MACROD1: variants seen among roughly 807,000 people sequenced by gnomAD.
The protein encoded by MACROD1 is mono-ADP ribosylhydrolase 1.
In MACROD1, 31 loss-of-function variants were observed where a neutral mutation model predicts 41.4. The observed-to-expected ratio is 0.75, with a 90% CI of 0.56 to 1.01. MACROD1 has a LOEUF of 1.01. Among genes scored for constraint, MACROD1 ranks in the 50% least tolerant of loss-of-function variants. The pLI, the probability that MACROD1 is intolerant of heterozygous loss-of-function variation, is 0.00. For synonymous variants in MACROD1, 252 were observed against 203.4 expected, an observed-to-expected ratio of 1.24 and a Z score of -2.03; for missense variants, 473 against 460.0, an observed-to-expected ratio of 1.03 and a Z score of -0.26.
chr11:64,085,387 G>A (rs1013389666), intron 3 of MACROD1, among the ~76,000 whole-genome samples: 6 of 152,214 alleles, frequency 3.9e-5, no homozygotes, highest in South Asian at 2.1e-4. Context: ...TGGGGGCGGC[G>A]GGCTGCCTGC....
intron 3 of MACROD1, among the ~76,000 whole-genome samples, chr11:64,094,950 C>T (rs1447616951): frequency 6.6e-6 from 1 of 152,204 alleles, no homozygotes; most frequent in Non-Finnish European, 1.5e-5. Flanking sequence ...GCCCCGTGTG[C>T]TCCAGGAGTG....
chr11:64,099,896 G>C lies in MACROD1; in HGVS notation c.517+51343C>G, dbSNP rs370845830. ...GGAGGGATCGAGAAATGGAGGGAGAGATGGAAGGATGGAGGGATGGATGGA... is the reference window on the plus strand; with the variant it reads ...GGAGGGATCGAGAAATGGAGGGAGACATGGAAGGATGGAGGGATGGATGGA... On this transcript the variant is annotated intron_variant, in intron 3 of 10. Coordinates refer to ENST00000255681, the MANE Select transcript of MACROD1 (RefSeq NM_014067.4). 1.4e-3 allele frequency among the ~76,000 whole-genome samples: 209 copies of C among 152,008 alleles called. 2 individuals are homozygous for C. In the South Asian group the frequency reaches 0.015, roughly 11 times the overall value.
chr11:64,137,452 G>A (rs1185780685), intron 3 of MACROD1, among the ~76,000 whole-genome samples: 4 of 152,170 alleles, frequency 2.6e-5, no homozygotes, highest in African/African-American at 9.7e-5. Context: ...GCATTCAGCT[G>A]AAACTTAAAT....
At chr11:64,138,838 G>C (rs1462154162) in intron 3 of MACROD1, among the ~76,000 whole-genome samples, 1 of 152,004 alleles carries the variant, frequency 6.6e-6, no homozygotes, top group Non-Finnish European at 1.5e-5. Flanking sequence ...CACCATCTCA[G>C]CTCACTGCAA....
At chr11:64,011,944 G>T (rs1943022097) in intron 4 of MACROD1, among the ~76,000 whole-genome samples, 1 of 152,026 alleles carries the variant, frequency 6.6e-6, no homozygotes, top group South Asian at 2.1e-4. Flanking sequence ...CACCTCCGGG[G>T]ACCAGGCTGG....
At chr11:64,000,783 G>A (rs1459588366) in intron 4 of MACROD1, among the ~76,000 whole-genome samples, 1 of 152,146 alleles carries the variant, frequency 6.6e-6, no homozygotes, top group Non-Finnish European at 1.5e-5. Flanking sequence ...GCCTCCGCCC[G>A]GGCCTCAGCG....
intron 4 of MACROD1, among the ~76,000 whole-genome samples, chr11:64,006,276 C>T (rs1032616169): frequency 2.0e-5 from 3 of 152,222 alleles, no homozygotes; most frequent in South Asian, 2.1e-4. Flanking sequence ...AAGACCTGAG[C>T]GATATCCCAT....
intron 3 of MACROD1, among the ~76,000 whole-genome samples, chr11:64,101,589 A>C (rs1481917352): frequency 3.9e-5 from 6 of 152,112 alleles, no homozygotes; most frequent in Non-Finnish European, 1.5e-5. Flanking sequence ...GGATGACCTC[A>C]CTGGACTTTT....
At chr11:64,045,036 C>T (rs1376760119) in intron 3 of MACROD1, among the ~76,000 whole-genome samples, 1 of 152,224 alleles carries the variant, frequency 6.6e-6, no homozygotes, top group Non-Finnish European at 1.5e-5. Context: ...TGGAGGGGAA[C>T]AGCCTTGGCA....
intron 3 of MACROD1, among the ~76,000 whole-genome samples, chr11:64,084,851 C>T (rs1425735189): frequency 1.3e-5 from 2 of 152,182 alleles, no homozygotes; most frequent in Non-Finnish European, 2.9e-5. Flanking sequence ...CCGGGAGGGG[C>T]GCAAGACCAC....
intron 3 of MACROD1, among the ~76,000 whole-genome samples, chr11:64,017,549 TG>T (rs1172441120): frequency 6.6e-6 from 1 of 152,004 alleles, no homozygotes; most frequent in Non-Finnish European, 1.5e-5. Flanking sequence ...TGGCCAGGGG[TG>T]GGGCTTGCCT....
chr11:64,133,316 G>A (rs1945290934), intron 3 of MACROD1, among the ~76,000 whole-genome samples: 1 of 152,208 alleles, frequency 6.6e-6, no homozygotes, highest in Non-Finnish European at 1.5e-5. Context: ...AGGGGCACAG[G>A]ATAGGCCAGG....
At chr11:64,022,453 G>A (rs1943170312) in intron 3 of MACROD1, among the ~76,000 whole-genome samples, 1 of 152,160 alleles carries the variant, frequency 6.6e-6, no homozygotes, top group Non-Finnish European at 1.5e-5. Context: ...CTGACCAGCT[G>A]GCAGGCCTGG....
chr11:64,042,641 G>A (rs554503410), intron 3 of MACROD1, among the ~76,000 whole-genome samples: 22 of 152,244 alleles, frequency 1.4e-4, no homozygotes, highest in Non-Finnish European at 2.9e-4. Context: ...CACTGGGGCT[G>A]CATGCCTCCT....
chr11:64,021,547 G>A lies in MACROD1; in HGVS notation c.518-6266C>T, dbSNP rs887181474. On this transcript the variant is annotated intron_variant, in intron 3 of 10. Transcript: ENST00000255681. The stretch of plus-strand genomic sequence containing the variant: ...GCAGGCACAGAGGTGACTTTGAGGC[G>A]GGCACAGCCCACCTGCATGTCCCTG... Among the ~76,000 whole-genome samples the A allele has an allele frequency of 3.3e-5, 5 of 152,166 alleles. No homozygotes were observed. In the South Asian group the frequency reaches 1.0e-3, roughly 31 times the overall value.
intron 3 of MACROD1, among the ~76,000 whole-genome samples, chr11:64,047,811 C>T (rs1460727201): frequency 1.7e-4 from 26 of 150,816 alleles, no homozygotes; most frequent in African/African-American, 6.1e-4. Flanking sequence ...GCAGGAGAAT[C>T]GCTTGAACCT....
At chr11:64,080,646 G>A (rs1944286806) in intron 3 of MACROD1, among the ~76,000 whole-genome samples, 1 of 152,184 alleles carries the variant, frequency 6.6e-6, no homozygotes, top group Non-Finnish European at 1.5e-5. Context: ...ACGTTTATGA[G>A]CCTCCCCTCC....
rs1204036715 is a variant in MACROD1, at chr11:64,120,424, C to G, written c.517+30815G>C. Among the ~76,000 whole-genome samples, 1 of 152,238 alleles carries G rather than the reference C, an allele frequency of 6.6e-6. No individual in the cohort carries two copies. Among genetic ancestry groups the G allele is most frequent in the Non-Finnish European group, 1.5e-5 (1 of 68,048 alleles). ...GCCCCAGGCCGGGTGCAGTGGCTCA[C>G]GCCTGTAATCCCAGCACTTTGGGAG... is the stretch of plus-strand genomic sequence containing the variant. On this transcript the variant is annotated intron_variant, in intron 3 of 10. Transcript: ENST00000255681. This position sits in a 1 kb window ranked among gnomAD's most constrained non-coding sequence, Gnocchi z 4.5.
intron 3 of MACROD1, among the ~76,000 whole-genome samples, chr11:64,043,137 A>G (rs320137): frequency 0.036 from 5,545 of 152,292 alleles, 313 homozygotes; most frequent in African/African-American, 0.12. Flanking sequence ...AAACAGGATG[A>G]TGGCATACGT....
Sources: allele counts gnomAD v4.1 joint callset (sites outside exome capture counted in the v4.1 genomes callset), GRCh38; gene constraint gnomAD v4.1.1; non-coding constraint Gnocchi (gnomAD v3.1); transcripts MANE v1.5; gene names NCBI Gene and HGNC (gene_info 2026-07-23, HGNC 2026-07-21).